The following NLGN4Y variants were observed in gnomAD, a reference collection of about 807,000 sequenced individuals.
The protein encoded by NLGN4Y is neuroligin 4 Y-linked.
NLGN4Y carries 4 observed loss-of-function variants against 8.4 expected under a neutral mutation model. The observed-to-expected ratio is 0.48, with a 90% confidence interval of 0.23 to 1.09. The LOEUF is 1.09. NLGN4Y is among the 50% of genes least tolerant of loss of function. The pLI is 0.19. For missense variants in NLGN4Y, 90 were observed against 192.3 expected, an observed-to-expected ratio of 0.47 and a Z score of 3.15; for synonymous variants, 35 against 75.6, an observed-to-expected ratio of 0.46 and a Z score of 2.78.
chrY:14,632,342 C>T, intron 2 of NLGN4Y, among the ~76,000 whole-genome samples: 2 of 33,625 alleles, frequency 5.9e-5, no homozygotes, highest in South Asian at 1.3e-3. Flanking sequence ...TGCTTTATTC[C>T]TGATTTTAGT....
At chrY:14,601,937 A>G (rs2080428698) in intron 1 of NLGN4Y, among the ~76,000 whole-genome samples, 1 of 32,425 alleles carries the variant, frequency 3.1e-5, no homozygotes, top group South Asian at 7.1e-4. Context: ...GTTAAAAAAA[A>G]AAGAGGTCAC....
intron 1 of NLGN4Y, among the ~76,000 whole-genome samples, chrY:14,595,029 A>G: frequency 3.0e-5 from 1 of 33,626 alleles, no homozygotes; most frequent in Admixed American, 2.7e-4. Flanking sequence ...TTTTCATTAA[A>G]GGCCAGGGTT....
chrY:14,696,979 A>G (rs373245571), intron 2 of NLGN4Y, among the ~76,000 whole-genome samples: 1,227 of 32,186 alleles, frequency 0.038, no homozygotes, highest in Middle Eastern at 0.29. Flanking sequence ...TATTCAACAC[A>G]ATACACCCTG....
intron 1 of NLGN4Y, among the ~76,000 whole-genome samples, chrY:14,565,706 G>T: frequency 3.0e-5 from 1 of 32,791 alleles, no homozygotes; most frequent in Non-Finnish European, 7.5e-5. Flanking sequence ...GCAACCCCAA[G>T]ACACATTGTC....
intron 2 of NLGN4Y, among the ~76,000 whole-genome samples, chrY:14,691,048 TGGCTTCACTTCTCTTAACAGA>T (rs2080808161): frequency 3.0e-5 from 1 of 32,795 alleles, no homozygotes; most frequent in Admixed American, 2.8e-4. Flanking sequence ...AATGGCTGCT[TGGCTTCACTTCTCTTAACAGA>T]GAATTGCTCT....
At chrY:14,813,543 C>T (rs2043089990) in intron 4 of NLGN4Y, among the ~76,000 whole-genome samples, 1 of 33,127 alleles carries the variant, frequency 3.0e-5, no homozygotes, top group Non-Finnish European at 7.5e-5. Flanking sequence ...AAGTCACCCT[C>T]TACATGGGGA....
At chrY:14,607,058 C>T in intron 1 of NLGN4Y, among the ~76,000 whole-genome samples, 1 of 31,821 alleles carries the variant, frequency 3.1e-5, no homozygotes, top group Non-Finnish European at 7.7e-5. Context: ...TTATTTTTTG[C>T]CCGCAAGGAT....
intron 1 of NLGN4Y, among the ~76,000 whole-genome samples, chrY:14,535,639 TTG>T (rs1377571315): frequency 4.9e-3 from 114 of 23,325 alleles, no homozygotes; most frequent in Non-Finnish European, 0.01. Context: ...GGGCAAGGGA[TTG>T]GCGGGGCGGG....
intron 4 of NLGN4Y, among the ~76,000 whole-genome samples, chrY:14,760,802 CTG>C (rs2081077526): frequency 3.0e-5 from 1 of 33,500 alleles, no homozygotes; most frequent in Non-Finnish European, 7.4e-5. Context: ...GGAGAAAAGA[CTG>C]TATTCACAAA....
intron 1 of NLGN4Y, among the ~76,000 whole-genome samples, chrY:14,547,331 G>C: frequency 3.0e-5 from 1 of 33,500 alleles, no homozygotes; most frequent in African/African-American, 1.2e-4. Context: ...AGGCTAAAAG[G>C]GAGTCTAATA....
intron 2 of NLGN4Y, among the ~76,000 whole-genome samples, chrY:14,693,947 C>G: frequency 6.2e-5 from 2 of 32,406 alleles, no homozygotes; most frequent in Non-Finnish European, 1.5e-4. Context: ...GTATTAAACA[C>G]CTTGTTGGCT....
At chrY:14,673,743 G>A (rs2080733781) in intron 2 of NLGN4Y, among the ~76,000 whole-genome samples, 1 of 32,996 alleles carries the variant, frequency 3.0e-5, no homozygotes, top group Non-Finnish European at 7.4e-5. Flanking sequence ...TGTTTATTGC[G>A]GCATTATTCA....
At chrY:14,749,389 T>G (rs1045794743) in intron 4 of NLGN4Y, among the ~76,000 whole-genome samples, 16 of 32,994 alleles carry the variant, frequency 4.8e-4, no homozygotes, top group Non-Finnish European at 1.1e-3. Context: ...GGCACCCTTT[T>G]GAAGGTCTCT....
intron 4 of NLGN4Y, among the ~76,000 whole-genome samples, chrY:14,815,152 A>G: frequency 3.0e-5 from 1 of 32,969 alleles, no homozygotes; most frequent in South Asian, 6.9e-4. Context: ...ATAATAACTC[A>G]TATTATTTTC....
intron 6 of NLGN4Y, among the ~76,000 whole-genome samples, chrY:14,840,201 A>G (rs975968263): frequency 3.0e-5 from 1 of 33,816 alleles, no homozygotes; most frequent in Admixed American, 2.7e-4. Flanking sequence ...TATATTTAAA[A>G]GAAAAATAAG....
At chrY:14,534,684 G>T (rs2080124953) in intron 1 of NLGN4Y, among the ~76,000 whole-genome samples, 1 of 32,416 alleles carries the variant, frequency 3.1e-5, no homozygotes, top group Non-Finnish European at 7.5e-5. Context: ...CTATATTAAC[G>T]ATAGGCTAAT....
intron 1 of NLGN4Y, among the ~76,000 whole-genome samples, chrY:14,611,379 CT>C (rs2080467352): frequency 2.5e-4 from 4 of 16,193 alleles, no homozygotes; most frequent in South Asian, 2.6e-3. Flanking sequence ...TAGCTGATAT[CT>C]TTTTTTTTTT....
At chrY:14,754,700 T>G in intron 4 of NLGN4Y, among the ~76,000 whole-genome samples, 1 of 33,672 alleles carries the variant, frequency 3.0e-5, no homozygotes, top group African/African-American at 1.2e-4. Context: ...TACCTGGAAA[T>G]TTTGCTCAAG....
intron 2 of NLGN4Y, among the ~76,000 whole-genome samples, chrY:14,697,594 GAGATAGAT>G (rs1296928906): frequency 1.4e-3 from 29 of 21,150 alleles, no homozygotes; most frequent in South Asian, 1.6e-3. Flanking sequence ...ATAGATGAGA[GAGATAGAT>G]AGATAGATAG....
Sources: allele counts gnomAD v4.1 joint callset (sites outside exome capture counted in the v4.1 genomes callset), GRCh38; gene constraint gnomAD v4.1.1; transcripts MANE v1.5; gene names NCBI Gene and HGNC (gene_info 2026-07-23, HGNC 2026-07-21).